DRC11: variants seen among roughly 807,000 people sequenced by gnomAD.
The protein encoded by DRC11 is dynein regulatory complex subunit 11, also known as IQ and AAA domain-containing protein 1.
At chr2:236,491,350 C>T in the DRC11 span, among the ~76,000 whole-genome samples, 9 of 147,476 alleles carry the variant, frequency 6.1e-5, no homozygotes, top group Non-Finnish European at 8.9e-5. Context: ...GCAGGGAAGT[C>T]CTTGTGGTTT....
At chr2:236,480,589 T>A in the DRC11 span, among the ~76,000 whole-genome samples, 2 of 152,230 alleles carry the variant, frequency 1.3e-5, no homozygotes, top group Non-Finnish European at 2.9e-5. Flanking sequence ...TATTTCAATA[T>A]CTTTGTTAAA....
At chr2:236,467,498 T>C in the DRC11 span, among the ~76,000 whole-genome samples, 2 of 152,222 alleles carry the variant, frequency 1.3e-5, no homozygotes, top group African/African-American at 4.8e-5. Flanking sequence ...ATTGTTTTAA[T>C]TTTTGGCATA....
chr2:236,487,035 G>A, the DRC11 span: 1 of 637,498 alleles, frequency 1.6e-6, no homozygotes, highest in South Asian at 2.1e-5. Context: ...TGTGTGTGCT[G>A]ATGGAATATT....
chr2:236,404,532 A>C, the DRC11 span, among the ~76,000 whole-genome samples: 2 of 152,134 alleles, frequency 1.3e-5, no homozygotes, highest in African/African-American at 4.8e-5. Flanking sequence ...CTAGCTACCC[A>C]GGCTCCCAGT....
the DRC11 span, chr2:236,364,012 C>A: frequency 5.1e-6 from 8 of 1,579,554 alleles, no homozygotes; most frequent in East Asian, 1.8e-4. Flanking sequence ...TGCTAATGTT[C>A]TGCCAAGAAA....
the DRC11 span, chr2:236,419,072 T>A: frequency 6.9e-7 from 1 of 1,458,288 alleles, no homozygotes; most frequent in Non-Finnish European, 9.0e-7. This position sits in a 1 kb window ranked among gnomAD's most constrained non-coding sequence, Gnocchi z 4.8. Flanking sequence ...TTTGTAAATA[T>A]CTCATTGACT....
At chr2:236,363,782 T>C in the DRC11 span, 2 of 1,609,558 alleles carry the variant, frequency 1.2e-6, no homozygotes, top group African/African-American at 2.7e-5. This position sits in a 1 kb window ranked among gnomAD's most constrained non-coding sequence, Gnocchi z 5.6. Context: ...ATCCATACCT[T>C]GAAGACTGCA....
At chr2:236,487,704 T>C in the DRC11 span, among the ~76,000 whole-genome samples, 2 of 152,224 alleles carry the variant, frequency 1.3e-5, no homozygotes, top group Non-Finnish European at 2.9e-5. Context: ...CCATTAAGGA[T>C]TTATATCCTC....
chr2:236,363,224 A>T, the DRC11 span, among the ~76,000 whole-genome samples: 1 of 152,222 alleles, frequency 6.6e-6, no homozygotes. This position sits in a 1 kb window ranked among gnomAD's most constrained non-coding sequence, Gnocchi z 5.6. Flanking sequence ...TTTCAAACGC[A>T]TTCATTTTGT....
the DRC11 span, among the ~76,000 whole-genome samples, chr2:236,356,750 A>G: frequency 2.0e-5 from 3 of 151,744 alleles, no homozygotes; most frequent in Non-Finnish European, 4.4e-5. Context: ...CTGGTTTACT[A>G]TTATACAGAC....
At chr2:236,336,479 G>A in the DRC11 span, among the ~76,000 whole-genome samples, 4 of 97,360 alleles carry the variant, frequency 4.1e-5, no homozygotes, top group Admixed American at 1.8e-4. This position sits in a 1 kb window ranked among gnomAD's most constrained non-coding sequence, Gnocchi z 7.3. Context: ...CTGCCACCAC[G>A]GCCACCACCA....
chr2:236,425,129 T>C, the DRC11 span, among the ~76,000 whole-genome samples: 7 of 152,194 alleles, frequency 4.6e-5, no homozygotes, highest in South Asian at 1.2e-3. Context: ...AACATGGTAG[T>C]GCAGACATCT....
the DRC11 span, among the ~76,000 whole-genome samples, chr2:236,444,011 T>C: frequency 6.6e-6 from 1 of 151,790 alleles, no homozygotes; most frequent in Non-Finnish European, 1.5e-5. Flanking sequence ...TGTCTGTTCA[T>C]GTCTTTTGCC....
chr2:236,447,892 G>T, the DRC11 span, among the ~76,000 whole-genome samples: 1 of 151,970 alleles, frequency 6.6e-6, no homozygotes, highest in Non-Finnish European at 1.5e-5. The surrounding 1 kb of genome is among the most constrained non-coding windows in gnomAD (Gnocchi z 4.6). Flanking sequence ...AGGGGAGGGT[G>T]GGGGAGGGTG....
chr2:236,364,423 C>T, the DRC11 span, among the ~76,000 whole-genome samples: 1 of 152,024 alleles, frequency 6.6e-6, no homozygotes, highest in Non-Finnish European at 1.5e-5. Flanking sequence ...CCTTGCACCC[C>T]TCTTGCCTAC....
the DRC11 span, among the ~76,000 whole-genome samples, chr2:236,478,894 G>A: frequency 3.4e-5 from 5 of 148,858 alleles, no homozygotes; most frequent in Admixed American, 6.7e-5. This position sits in a 1 kb window ranked among gnomAD's most constrained non-coding sequence, Gnocchi z 5.9. Flanking sequence ...GTGTGATCTC[G>A]GCTCACTACA....
the DRC11 span, among the ~76,000 whole-genome samples, chr2:236,308,265 G>C: frequency 1.1e-4 from 16 of 152,252 alleles, no homozygotes; most frequent in Non-Finnish European, 1.6e-4. This position sits in a 1 kb window ranked among gnomAD's most constrained non-coding sequence, Gnocchi z 6.0. Context: ...CAGTTCCTCT[G>C]ATGGCAGGAA....
the DRC11 span, chr2:236,344,434 A>T: frequency 3.0e-6 from 2 of 657,312 alleles, no homozygotes; most frequent in Admixed American, 2.6e-5. Context: ...CACTACAGAG[A>T]GCCCCAGTGT....
the DRC11 span, among the ~76,000 whole-genome samples, chr2:236,459,689 A>ATATATACATATATACGTATG: frequency 1.5e-5 from 2 of 129,088 alleles, no homozygotes; most frequent in African/African-American, 5.8e-5. Context: ...ATGTATATAC[A>ATATATACATATATACGTATG]TATATACATA....
Sources: allele counts gnomAD v4.1 joint callset (sites outside exome capture counted in the v4.1 genomes callset), GRCh38; gene constraint gnomAD v4.1.1; non-coding constraint Gnocchi (gnomAD v3.1); transcripts MANE v1.5; gene names NCBI Gene and HGNC (gene_info 2026-07-23, HGNC 2026-07-21).